Variants in IGFN1 observed in about 807,000 individuals in gnomAD.
The protein encoded by IGFN1 is immunoglobulin like and fibronectin type III domain containing 1.
A neutral mutation model predicts 289.5 loss-of-function variants in IGFN1; 253 were observed. The observed-to-expected ratio is 0.87, with a 90% confidence interval of 0.79 to 0.97. The LOEUF is 0.97. IGFN1 is among the 50% of genes least tolerant of loss of function. IGFN1 has a pLI of 0.00. For synonymous variants in IGFN1, 1,706 were observed against 1,788.5 expected (o/e 0.95, Z 1.16); for missense variants, 4,470 against 4,686.1 (o/e 0.95, Z 1.35).
At position 201,195,877 on chromosome 1, in the gene IGFN1, C is replaced by G; in HGVS notation, c.166C>G (p.Pro56Ala). The G allele has an allele frequency of 1.3e-6, 2 of 1,551,704 alleles. No homozygotes were observed. Among genetic ancestry groups the G allele is most frequent in the Non-Finnish European group, 1.7e-6 (2 of 1,146,982 alleles). The change falls in exon 4 of 24, where the codon CCC becomes GCC. Residue 56 changes from proline to alanine, a missense_variant. Around this residue, in one of 8 missense-constraint regions of IGFN1, gnomAD observed 2,011 missense variants for 1,953.4 expected, o/e 1.03. Coordinates refer to ENST00000335211, the MANE Select transcript of IGFN1 (RefSeq NM_001164586.2). ...CTTTCGGGCTGTGGTCTGTGGGGAGCCCAGGCCCGAGGTGCGTTGGCAGAA... is the reference window on the plus strand; with the variant it reads ...CTTTCGGGCTGTGGTCTGTGGGGAGGCCAGGCCCGAGGTGCGTTGGCAGAA... ...AVFRAVVCGE[P>A]RPEVRWQNSK...
chr1:201,226,964 C>A lies in IGFN1; in HGVS notation c.10869C>A (p.His3623Gln), dbSNP rs755794273. Reference sequence around the variant, plus strand: ...GGTTCCTGGTGGGCCTGCGGTCCCACCTGCTGCCCCAGGGCTGCGAGTGCT... The same window carrying A: ...GGTTCCTGGTGGGCCTGCGGTCCCAACTGCTGCCCCAGGGCTGCGAGTGCT... ...KPRFLVGLRS[H>Q]LLPQGCECCM... is the part of the protein sequence containing the mutation. The change falls in exon 23 of 24, where the codon CAC (histidine) becomes CAA (glutamine). Residue 3623 changes from histidine to glutamine, a missense_variant. His to Gln is a conservative substitution (Grantham distance 24, BLOSUM62 0). This residue lies in a region of IGFN1 where 2,218 missense variants were observed against 2,114.1 expected (regional missense o/e 1.05). Transcript: ENST00000335211. The A allele has an allele frequency of 6.2e-7, 1 of 1,612,986 alleles. No individual in the cohort carries two copies. Among genetic ancestry groups the A allele is most frequent in the Non-Finnish European group, 8.5e-7 (1 of 1,179,880 alleles).
chr1:201,191,882 G>C (rs1311773599), intron 1 of IGFN1, among the ~76,000 whole-genome samples: 1 of 152,074 alleles, frequency 6.6e-6, no homozygotes, highest in Admixed American at 6.5e-5. Context: ...GGTGACGATG[G>C]GGATGATGAC....
Position 201,208,040 on chromosome 1 carries a change from A to C in IGFN1, c.3147A>C (p.Ala1049=). ...LKNGSGGPDG[A]PMNDTRNWAS... is the part of the protein sequence containing the mutation. ...ATGGCTCAGGTGGTCCTGATGGAGC[A>C]CCCATGAATGACACCAGGAATTGGG... The change falls in exon 12 of 24, where the codon GCA becomes GCC. Residue 1049 remains alanine, a synonymous_variant. Transcript: ENST00000335211. 1.3e-6 allele frequency: 2 copies of C among 1,536,890 alleles called. No individual in the cohort carries two copies. Among genetic ancestry groups the C allele is most frequent in the Non-Finnish European group, 1.7e-6 (2 of 1,146,870 alleles).
chr1:201,212,077 C>T lies in IGFN1; in HGVS notation c.7184C>T (p.Ala2395Val). The T allele has an allele frequency of 6.5e-7, 1 of 1,536,342 alleles. No individual in the cohort carries two copies. Among genetic ancestry groups the T allele is most frequent in the South Asian group, 1.2e-5 (1 of 84,052 alleles). The change falls in exon 12 of 24, where the codon GCA becomes GTA. Residue 2395 changes from alanine (A) to valine (V), a missense_variant. Transcript: ENST00000335211. Reference sequence around the variant, plus strand: ...GGTCACAGGTCAGGATATTGGGTAGCATCAGAGGGTGACACGAACTCCAAG... The same window carrying T: ...GGTCACAGGTCAGGATATTGGGTAGTATCAGAGGGTGACACGAACTCCAAG... ...AMGHRSGYWV[A>V]SEGDTNSKDG...
chr1:201,211,585 GT>G lies in IGFN1; in HGVS notation c.6695del (p.Phe2232SerfsTer5), dbSNP rs1188190510. 1 of 1,534,482 alleles carries G rather than the reference GT, an allele frequency of 6.5e-7. No homozygotes were observed. Among genetic ancestry groups the G allele is most frequent in the Non-Finnish European group, 8.7e-7 (1 of 1,145,948 alleles). The part of the protein sequence containing the change: ...PKGMGSGSKA[G>X]FRDGLGSSGE... ...GGAATGGGTTCAGGGAGTAAGGCAGGTTTCAGGGATGGTTTAGGGAGTTCTG... is the reference window on the plus strand; with the variant it reads ...GGAATGGGTTCAGGGAGTAAGGCAGGTTCAGGGATGGTTTAGGGAGTTCTG... On this transcript the variant is annotated frameshift_variant, in exon 12 of 24. Transcript: ENST00000335211. LOFTEE classifies it high-confidence loss of function.
chr1:201,204,968 G>T (rs987090706), intron 10 of IGFN1, 114 bp from the exon 11 acceptor site: 14 of 1,034,134 alleles, frequency 1.4e-5, no homozygotes, highest in Non-Finnish European at 1.7e-5. Context: ...GTAACATGGG[G>T]AGTTTGTGGC....
Position 201,209,261 on chromosome 1 carries a change from T to A in IGFN1, c.4368T>A (p.Asp1456Glu). Residue 1456 changes from aspartate (D) to glutamate (E), a missense_variant, in exon 12 of 24, where the codon GAT (aspartate) becomes GAA (glutamate). Transcript: ENST00000335211. ...LRGSGEMRSM[D>E]EAGYRKNLGA... ...GTTCTGGAGAAATGAGGTCAATGGA[T>A]GAGGCAGGTTATAGGAAAAATTTGG... 2.0e-6 allele frequency: 3 copies of A among 1,482,002 alleles called. No homozygotes were observed. Among genetic ancestry groups the A allele is most frequent in the South Asian group, 1.4e-5 (1 of 72,634 alleles). The allele number at this position is 1,482,002 out of a possible 1,614,324, so 91.8% of individuals were successfully genotyped here. A position where few individuals can be genotyped will look rare whatever the true frequency, so the allele number is the denominator to read the frequency against.
rs868807728 is a variant in IGFN1, at chr1:201,215,548, C to T, written c.9005C>T (p.Thr3002Ile). ...CTTGTTTTATTTCTAGATTCCCCTACCATTGCTCCAGATGTGACAGAGAAA... is the reference window on the plus strand; with the variant it reads ...CTTGTTTTATTTCTAGATTCCCCTATCATTGCTCCAGATGTGACAGAGAAA... ...EATLTVQDSP[T>I]IAPDVTEKLR... is the part of the protein sequence containing the mutation. Residue 3002 changes from threonine (T) to isoleucine (I), a missense_variant, in exon 15 of 24, where the codon ACC (threonine) becomes ATC (isoleucine). Thr to Ile is a moderately conservative substitution (Grantham distance 89, BLOSUM62 -1). Coordinates refer to ENST00000335211, the MANE Select transcript of IGFN1 (RefSeq NM_001164586.2). The T allele has an allele frequency of 1.3e-6, 2 of 1,571,732 alleles. No individual in the cohort carries two copies. The highest frequency in any genetic ancestry group is 3.4e-4 in the Middle Eastern group (2 of 5,838).
At chr1:201,203,974 A>C in intron 10 of IGFN1, 68 bp downstream of exon 10, 1 of 1,400,848 alleles carries the variant, frequency 7.1e-7, no homozygotes, top group South Asian at 1.3e-5. Flanking sequence ...ATGTTGGTGC[A>C]ACGTGTGTGT....
rs746395288 is a variant in IGFN1, at chr1:201,205,300, C to G, written c.1135C>G (p.Pro379Ala). ...GGGGGCACGTTTCTCAGACATGGGC[C>G]CCTATTCGCTGGGCACCGGGCTCTA... Reference protein sequence around the residue: ...VRGARFSDMGPYSLGTGLYTS... With the variant: ...VRGARFSDMGAYSLGTGLYTS... The change falls in exon 11 of 24, where the codon CCC becomes GCC. Residue 379 changes from proline to alanine, a missense_variant. Pro to Ala is a conservative substitution (Grantham distance 27, BLOSUM62 -1). Coordinates refer to ENST00000335211, the MANE Select transcript of IGFN1 (RefSeq NM_001164586.2). 3 of 1,507,950 alleles carry G rather than the reference C, an allele frequency of 2.0e-6. No individual in the cohort carries two copies. Among genetic ancestry groups the G allele is most frequent in the African/African-American group, 3.0e-5 (2 of 65,654 alleles). The allele number at this position is 1,507,950 out of a possible 1,614,324, so 93.4% of individuals were successfully genotyped here. A position where few individuals can be genotyped will look rare whatever the true frequency, so the allele number is the denominator to read the frequency against.
chr1:201,213,356 A>C lies in IGFN1; in HGVS notation c.8463A>C (p.Ala2821=). The C allele has an allele frequency of 1.2e-6, 2 of 1,609,942 alleles. No homozygotes were observed. Among genetic ancestry groups the C allele is most frequent in the Non-Finnish European group, 1.7e-6 (2 of 1,178,014 alleles). ...GCTCACTCAGGAGCAGGTCTCAGGC[A>C]CAGTCAGGGGCTGAGGTTGGAGGAG... ...RPGSLRSRSQ[A]QSGAEVGGGK... The change falls in exon 12 of 24, where the codon GCA becomes GCC. Residue 2821 remains alanine, a synonymous_variant. Transcript: ENST00000335211.
rs1653497369 is a variant in IGFN1 at position 201,218,670 on chromosome 1, AC to A, written c.9898+14del. The A allele has an allele frequency of 6.3e-7, 1 of 1,598,446 alleles. No homozygotes were observed. Among genetic ancestry groups the A allele is most frequent in the South Asian group, 1.1e-5 (1 of 89,638 alleles). On this transcript the variant is annotated intron_variant, in intron 18 of 23. Coordinates refer to ENST00000335211, the MANE Select transcript of IGFN1 (RefSeq NM_001164586.2). ...TCGGGACCCCATGAGTAAGTAGGGCACCAACCCAGGATGGGGGTGGAGGTGA... is the reference window on the plus strand; with the variant it reads ...TCGGGACCCCATGAGTAAGTAGGGCACAACCCAGGATGGGGGTGGAGGTGA...
At chr1:201,204,944 G>A in intron 10 of IGFN1, 138 bp from the exon 11 acceptor site, 3 of 768,436 alleles carry the variant, frequency 3.9e-6, no homozygotes, top group Non-Finnish European at 6.1e-6. Context: ...AGGTCCAGAG[G>A]TGACCTGTCC....
Position 201,195,930 on chromosome 1 carries a change from C to G in IGFN1, c.219C>G (p.Ser73Arg). 1 of 1,551,818 alleles carries G rather than the reference C, an allele frequency of 6.4e-7. No individual in the cohort carries two copies. Among genetic ancestry groups the G allele is most frequent in the Non-Finnish European group, 8.7e-7 (1 of 1,147,020 alleles). The change falls in exon 4 of 24, where the codon AGC becomes AGG. Residue 73 changes from serine (S) to arginine (R), a missense_variant. Physicochemically the swap from Ser to Arg is moderately radical, Grantham distance 110. Coordinates refer to ENST00000335211, the MANE Select transcript of IGFN1 (RefSeq NM_001164586.2). Reference protein sequence around the residue: ...QNSKGDLSDSSKYKISSSPGS... With the variant: ...QNSKGDLSDSRKYKISSSPGS... ...CCAAAGGTGACCTCAGTGATTCCAG[C>G]AAGTACAAGATCTCCTCCAGCCCTG...
chr1:201,200,428 C>T lies in IGFN1; in HGVS notation c.633+17C>T. The T allele has an allele frequency of 6.5e-7, 1 of 1,544,788 alleles. No individual in the cohort carries two copies. Among genetic ancestry groups the T allele is most frequent in the Non-Finnish European group, 8.8e-7 (1 of 1,141,432 alleles). ...ATGGCACAGGTGCCTCACCCCATTCCCACCCCTCACTCCATGCCCACCCCA... is the reference window on the plus strand; with the variant it reads ...ATGGCACAGGTGCCTCACCCCATTCTCACCCCTCACTCCATGCCCACCCCA... On this transcript the variant is annotated intron_variant, in intron 8 of 23. Transcript: ENST00000335211.
In IGFN1 at chr1:201,224,625, T is replaced by C. The variant is rs1653958984; in HGVS notation, c.10291-54T>C. On this transcript the variant is annotated intron_variant, in intron 20 of 23. Transcript: ENST00000335211. ...TTGGCCTAGCTTAAATGCCATCACCTCCATGAAACTGCCAGCTTCCCCTTC... is the reference window on the plus strand; with the variant it reads ...TTGGCCTAGCTTAAATGCCATCACCCCCATGAAACTGCCAGCTTCCCCTTC... 16 of 1,503,580 alleles carry C rather than the reference T, an allele frequency of 1.1e-5. No homozygotes were observed. In the South Asian group the frequency reaches 1.8e-4, roughly 17 times the overall value. The allele number at this position is 1,503,580 out of a possible 1,614,324, so 93.1% of individuals were successfully genotyped here.
chr1:201,199,783 C>T, intron 7 of IGFN1, 129 bp downstream of exon 7: 1 of 732,244 alleles, frequency 1.4e-6, no homozygotes, highest in Non-Finnish European at 2.3e-6. Context: ...CTGCCAGTAG[C>T]AGATGGGAGG....
intron 20 of IGFN1, among the ~76,000 whole-genome samples, chr1:201,223,568 G>C (rs576937106): frequency 1.3e-5 from 2 of 151,920 alleles, no homozygotes; most frequent in Non-Finnish European, 2.9e-5. Context: ...ATGGGGTTTC[G>C]CCGTGTTGGC....
At position 201,212,673 on chromosome 1, in the gene IGFN1, G is replaced by A. The variant is rs573568899; in HGVS notation, c.7780G>A (p.Gly2594Arg). 6.5e-7 allele frequency: 1 copy of A among 1,544,212 alleles called. No individual in the cohort carries two copies. Among genetic ancestry groups the A allele is most frequent in the African/African-American group, 1.4e-5 (1 of 72,960 alleles). ...GRRVGSGSSV[G>R]TGQDLDSGSM... ...AAGGGTAGGCTCAGGGAGTTCAGTG[G>A]GGACAGGTCAGGATCTGGACAGCGG... The change falls in exon 12 of 24, where the codon GGG (glycine) becomes AGG (arginine). Residue 2594 changes from glycine (G) to arginine (R), a missense_variant. This residue lies in a region of IGFN1 where 2,218 missense variants were observed against 2,114.1 expected (regional missense o/e 1.05). Coordinates refer to ENST00000335211, the MANE Select transcript of IGFN1 (RefSeq NM_001164586.2).
Sources: gnomAD v4.1 joint callset for allele counts (sites outside exome capture counted in the v4.1 genomes callset) on GRCh38, gnomAD v4.1.1 for gene constraint, gnomAD v4.1.1 regional missense constraint, MANE v1.5 for transcripts, NCBI Gene and HGNC (gene_info 2026-07-23, HGNC 2026-07-21) for gene names.